The following LCLAT1 variants were observed in gnomAD, a reference collection of about 807,000 sequenced individuals.
LCLAT1 encodes 1-AGP acyltransferase 8.
Under a neutral mutation model 30.7 loss-of-function variants are expected in LCLAT1, and 11 were observed. The ratio of observed to expected loss-of-function variants is 0.36; its 90% confidence interval spans 0.23 to 0.59. LCLAT1 has a LOEUF of 0.59. LCLAT1 is among the 20% of genes least tolerant of loss of function. The probability of loss-of-function intolerance (pLI) is 0.77; values close to 1 mark genes in which losing one functional copy is unlikely to be tolerated. For missense variants in LCLAT1, 402 were observed against 458.6 expected (o/e 0.88, Z 1.13); for synonymous variants, 155 against 151.3 (o/e 1.02, Z -0.18).
chr2:30,546,760 C>T (rs922326922), intron 3 of LCLAT1, among the ~76,000 whole-genome samples: 1 of 152,122 alleles, frequency 6.6e-6, no homozygotes, highest in Non-Finnish European at 1.5e-5. Context: ...GAAAACTCCC[C>T]CTTTCTTACC....
chr2:30,596,027 T>C (rs1254072209), intron 5 of LCLAT1, among the ~76,000 whole-genome samples: 1 of 152,144 alleles, frequency 6.6e-6, no homozygotes, highest in Non-Finnish European at 1.5e-5. Context: ...ACATTTTCTT[T>C]AGTCTGTCAT....
intron 5 of LCLAT1, among the ~76,000 whole-genome samples, chr2:30,614,772 A>G (rs1667913966): frequency 6.6e-6 from 1 of 152,144 alleles, no homozygotes; most frequent in Non-Finnish European, 1.5e-5. Flanking sequence ...GAGATCACCT[A>G]AGGAATGAGT....
intron 3 of LCLAT1, among the ~76,000 whole-genome samples, chr2:30,551,968 G>T (rs1664700296): frequency 1.3e-5 from 2 of 152,162 alleles, no homozygotes; most frequent in African/African-American, 4.8e-5. Context: ...CGTCTGATTA[G>T]CAATCTTAAT....
intron 5 of LCLAT1, among the ~76,000 whole-genome samples, chr2:30,611,420 C>T (rs1342178429): frequency 6.6e-6 from 1 of 152,016 alleles, no homozygotes; most frequent in Non-Finnish European, 1.5e-5. Flanking sequence ...AAGAGAGTGC[C>T]ATGAAAGCAA....
chr2:30,525,285 C>A (rs1685655080), intron 1 of LCLAT1, among the ~76,000 whole-genome samples: 1 of 152,104 alleles, frequency 6.6e-6, no homozygotes, highest in African/African-American at 2.4e-5. Flanking sequence ...CCATGTTGGC[C>A]AGGCTGGTCT....
intron 1 of LCLAT1, among the ~76,000 whole-genome samples, chr2:30,484,099 T>C (rs79169786): frequency 0.011 from 1,623 of 152,278 alleles, 27 homozygotes; most frequent in African/African-American, 0.036. Context: ...ATTAGTCTAT[T>C]ACCCATGTTT....
intron 1 of LCLAT1, among the ~76,000 whole-genome samples, chr2:30,461,810 G>A (rs1230676735): frequency 1.7e-5 from 2 of 119,756 alleles, no homozygotes; most frequent in Non-Finnish European, 3.5e-5. Flanking sequence ...TCGCTCTGTC[G>A]CCCAGGCTGG....
Position 30,582,304 on chromosome 2 carries a change from A to G in LCLAT1, c.628+14128A>G, listed in dbSNP as rs568872183. On this transcript the variant is annotated intron_variant, in intron 5 of 5. Transcript: ENST00000379509. ...CAGATATACTTCAATCAAATTGTATATGAGATCAGTGAACTTCTACAGGAA... is the reference window on the plus strand; with the variant it reads ...CAGATATACTTCAATCAAATTGTATGTGAGATCAGTGAACTTCTACAGGAA... Among the ~76,000 whole-genome samples, 22 of 152,054 alleles carry G rather than the reference A, an allele frequency of 1.4e-4. No homozygotes were observed. In the South Asian group the frequency reaches 3.9e-3, roughly 27 times the overall value.
intron 1 of LCLAT1, among the ~76,000 whole-genome samples, chr2:30,450,966 C>A (rs1681515600): frequency 6.6e-6 from 1 of 150,756 alleles, no homozygotes; most frequent in Non-Finnish European, 1.5e-5. Flanking sequence ...ATATATCTGA[C>A]CAAGGACTCA....
chr2:30,494,182 C>T (rs1384158586), intron 1 of LCLAT1, among the ~76,000 whole-genome samples: 1 of 152,076 alleles, frequency 6.6e-6, no homozygotes, highest in Non-Finnish European at 1.5e-5. Flanking sequence ...ATGACTGTGC[C>T]ACTGCACTCC....
chr2:30,504,179 A>G (rs1378228741), intron 1 of LCLAT1, among the ~76,000 whole-genome samples: 2 of 152,000 alleles, frequency 1.3e-5, no homozygotes, highest in Non-Finnish European at 2.9e-5. Flanking sequence ...ATTACACATA[A>G]TATGCATTAC....
intron 1 of LCLAT1, among the ~76,000 whole-genome samples, chr2:30,504,104 A>G (rs542967679): frequency 7.9e-6 from 1 of 126,058 alleles, no homozygotes; most frequent in Non-Finnish European, 1.8e-5. Flanking sequence ...GTGTGTTTAT[A>G]TATGTGTGTG....
At chr2:30,598,125 G>A (rs560948356) in intron 5 of LCLAT1, among the ~76,000 whole-genome samples, 3 of 152,288 alleles carry the variant, frequency 2.0e-5, no homozygotes, top group East Asian at 3.9e-4. Context: ...ATCTCTGCCA[G>A]GTTTTGGTAT....
chr2:30,488,276 T>C (rs986161330), intron 1 of LCLAT1, among the ~76,000 whole-genome samples: 2 of 152,252 alleles, frequency 1.3e-5, no homozygotes, highest in Non-Finnish European at 2.9e-5. Context: ...ACTTTGGCTG[T>C]AAGTTTCTAA....
At chr2:30,543,054 G>A (rs1572600994) in intron 3 of LCLAT1, among the ~76,000 whole-genome samples, 2 of 151,110 alleles carry the variant, frequency 1.3e-5, no homozygotes, top group South Asian at 4.2e-4. Flanking sequence ...CTGATGTTAG[G>A]TAGAAAGCTT....
chr2:30,615,217 G>A (rs1667938378), intron 5 of LCLAT1, among the ~76,000 whole-genome samples: 1 of 152,118 alleles, frequency 6.6e-6, no homozygotes, highest in South Asian at 2.1e-4. Flanking sequence ...CTGTTCCTGA[G>A]TAGGCAAGAG....
intron 1 of LCLAT1, among the ~76,000 whole-genome samples, chr2:30,468,675 C>T (rs1682606491): frequency 6.6e-6 from 1 of 152,162 alleles, no homozygotes; most frequent in Non-Finnish European, 1.5e-5. Context: ...AACTGTGTAC[C>T]ATTAAGCAGT....
chr2:30,627,677 T>C lies in LCLAT1; in HGVS notation c.629-12440T>C, dbSNP rs375218088. Among the ~76,000 whole-genome samples, 44 of 152,254 alleles carry C rather than the reference T, an allele frequency of 2.9e-4. No individual in the cohort carries two copies. The Middle Eastern group carries it at 0.024, about 82-fold the overall frequency. The stretch of plus-strand genomic sequence containing the variant: ...TATAATTTTATTATTTTTCAATTTC[T>C]CTTTGGATTTCTTTCTTTTTTCCTT... On this transcript the variant is annotated intron_variant, in intron 5 of 5. Transcript: ENST00000379509.
chr2:30,612,598 T>C (rs1431272636), intron 5 of LCLAT1, among the ~76,000 whole-genome samples: 1 of 152,180 alleles, frequency 6.6e-6, no homozygotes, highest in Non-Finnish European at 1.5e-5. Context: ...ATTGCACAGA[T>C]TGCAAGTAGC....
Sources: gnomAD v4.1 joint callset for allele counts (sites outside exome capture counted in the v4.1 genomes callset) on GRCh38, gnomAD v4.1.1 for gene constraint, MANE v1.5 for transcripts, NCBI Gene and HGNC (gene_info 2026-07-23, HGNC 2026-07-21) for gene names.